DMD: variants seen among roughly 807,000 people sequenced by gnomAD.
DMD encodes the protein mutant dystrophin.
DMD carries 63 observed loss-of-function variants against 330.1 expected under a neutral mutation model. The ratio of observed to expected loss-of-function variants is 0.19; its 90% CI spans 0.16 to 0.24. The LOEUF is 0.24. Among genes scored for constraint, DMD ranks in the 10% least tolerant of loss-of-function variants. DMD has a pLI of 1.00. For missense variants in DMD, 3,344 were observed against 2,684.1 expected, an observed-to-expected ratio of 1.25 and a Z score of -5.43; for synonymous variants, 1,223 against 959.8, an observed-to-expected ratio of 1.27 and a Z score of -5.07.
intron 43 of DMD, among the ~76,000 whole-genome samples, chrX:32,280,403 G>GT (rs2038978584): frequency 9.1e-6 from 1 of 109,545 alleles, no homozygotes; most frequent in Non-Finnish European, 1.9e-5. Context: ...GGACTTGCTT[G>GT]TTTTTTACCC....
chrX:32,653,095 C>T (rs186311707), intron 9 of DMD, among the ~76,000 whole-genome samples: 1,796 of 111,214 alleles, frequency 0.016, 40 homozygotes, highest in African/African-American at 0.055. Flanking sequence ...AAATTTTCTC[C>T]CATTCTGTAG....
At chrX:31,531,605 A>C (rs1321368016) in intron 55 of DMD, among the ~76,000 whole-genome samples, 1 of 98,714 alleles carries the variant, frequency 1.0e-5, no homozygotes. Context: ...GGTTGCGGAA[A>C]TTTTCTCCCA....
At chrX:32,818,619 C>T (rs939397873) in intron 5 of DMD, among the ~76,000 whole-genome samples, 1 of 111,689 alleles carries the variant, frequency 9.0e-6, no homozygotes, top group African/African-American at 3.3e-5. Context: ...TGTCTTTGAG[C>T]AGTGATTTTT....
At chrX:31,829,990 G>C (rs1049865301) in intron 49 of DMD, among the ~76,000 whole-genome samples, 2 of 112,259 alleles carry the variant, frequency 1.8e-5, no homozygotes, top group African/African-American at 6.5e-5. Context: ...TCTCAGAAAA[G>C]AAAGTTGGCT....
chrX:32,383,823 G>A (rs941056841), intron 33 of DMD, among the ~76,000 whole-genome samples: 5 of 109,603 alleles, frequency 4.6e-5, no homozygotes, highest in East Asian at 2.9e-4. Context: ...ACTATTATTC[G>A]TCTAATGTCA....
intron 7 of DMD, among the ~76,000 whole-genome samples, chrX:32,802,973 T>C (rs1447062124): frequency 7.1e-5 from 8 of 111,905 alleles, no homozygotes; most frequent in Non-Finnish European, 1.5e-4. Context: ...AGGATGATGT[T>C]GGCCTCATAA....
chrX:32,981,929 A>G (rs1002928250), intron 2 of DMD, among the ~76,000 whole-genome samples: 3 of 111,777 alleles, frequency 2.7e-5, no homozygotes, highest in African/African-American at 9.7e-5. Context: ...AACAAATCCT[A>G]ATGAACCCAG....
At chrX:31,317,747 G>C (rs1418904629) in intron 62 of DMD, among the ~76,000 whole-genome samples, 2 of 111,049 alleles carry the variant, frequency 1.8e-5, no homozygotes, top group African/African-American at 6.6e-5. Context: ...TCCTGACCTC[G>C]TGATCTGCCT....
intron 2 of DMD, among the ~76,000 whole-genome samples, chrX:32,911,264 G>A (rs1055910091): frequency 1.2e-4 from 13 of 111,852 alleles, no homozygotes; most frequent in Non-Finnish European, 2.3e-4. Context: ...TATGAATGAT[G>A]GTGAAACTGG....
At chrX:33,173,705 A>G (rs993571011) in intron 1 of DMD, among the ~76,000 whole-genome samples, 7 of 111,327 alleles carry the variant, frequency 6.3e-5, no homozygotes, top group Admixed American at 3.9e-4. Flanking sequence ...CAATCCAAGC[A>G]AGATGGATAA....
chrX:32,760,693 A>C (rs776250588), intron 7 of DMD, among the ~76,000 whole-genome samples: 2 of 112,031 alleles, frequency 1.8e-5, no homozygotes, highest in Non-Finnish European at 3.8e-5. Flanking sequence ...GTTTACTTGC[A>C]AGGAATGGGA....
rs45549534 is a variant in DMD at position 31,121,430 on chromosome X, G to A, written c.*489C>T. On this transcript the variant is annotated 3_prime_UTR_variant, in exon 79 of 79. Transcript: ENST00000357033. ...ACAATGCGCTGCCTCAAAGTTTTGT[G>A]TGTGTGTGTGTATGTGTGTGTGTGT... 133 of 103,924 alleles carry A rather than the reference G, an allele frequency of 1.3e-3. 1 individual carries two copies. Among genetic ancestry groups the A allele is most frequent in the Non-Finnish European group, 2.2e-3 (122 of 54,603 alleles). 8.6% of individuals were successfully genotyped at this position (103,924 alleles called of 1,213,427 possible).
intron 26 of DMD, among the ~76,000 whole-genome samples, chrX:32,451,434 G>A (rs1289233072): frequency 9.0e-6 from 1 of 110,510 alleles, no homozygotes; most frequent in Admixed American, 9.6e-5. Flanking sequence ...TAACTTTCCA[G>A]AGTGTTTTTC....
chrX:31,846,990 G>A (rs1269406496), intron 48 of DMD, among the ~76,000 whole-genome samples: 6 of 111,799 alleles, frequency 5.4e-5, no homozygotes, highest in Non-Finnish European at 1.1e-4. Context: ...GTGGGTGCTT[G>A]CTACATGATG....
intron 57 of DMD, among the ~76,000 whole-genome samples, chrX:31,493,193 T>C (rs1018369577): frequency 5.4e-5 from 6 of 112,092 alleles, no homozygotes; most frequent in African/African-American, 9.7e-5. Context: ...GTCTACTGTA[T>C]ACTAGGCACT....
intron 55 of DMD, among the ~76,000 whole-genome samples, chrX:31,534,601 A>G (rs200467586): frequency 1.4e-3 from 26 of 19,028 alleles, no homozygotes; most frequent in Admixed American, 2.6e-3. Flanking sequence ...CTCTCTCACC[A>G]CTCCTATTCA....
In DMD at chrX:32,568,910, A is replaced by C. The variant is rs150106208; in HGVS notation, c.1813-3029T>G. Among the ~76,000 whole-genome samples, 23 of 112,168 alleles carry C rather than the reference A, an allele frequency of 2.1e-4. No homozygotes were observed. The East Asian group carries it at 5.6e-3, about 27-fold the overall frequency. On this transcript the variant is annotated intron_variant, in intron 15 of 78. Coordinates refer to ENST00000357033, the MANE Select transcript of DMD (RefSeq NM_004006.3). ...AGGTCTTACATGTGCATATTAAATA[A>C]CTATGATTTGTTACTAATTATTGCA... is the stretch of plus-strand genomic sequence containing the variant.
intron 44 of DMD, among the ~76,000 whole-genome samples, chrX:32,104,741 T>G (rs1215854267): frequency 1.8e-5 from 2 of 111,909 alleles, no homozygotes; most frequent in Non-Finnish European, 3.8e-5. Context: ...CTTGCGCCTA[T>G]GTTAAGAATC....
At chrX:32,493,855 G>A (rs980890390) in intron 19 of DMD, among the ~76,000 whole-genome samples, 2 of 111,229 alleles carry the variant, frequency 1.8e-5, no homozygotes, top group Non-Finnish European at 3.8e-5. Context: ...CAAGCAGTTA[G>A]AAGTCCATGA....
Sources: allele counts gnomAD v4.1 joint callset (sites outside exome capture counted in the v4.1 genomes callset), GRCh38; gene constraint gnomAD v4.1.1; transcripts MANE v1.5; gene names NCBI Gene and HGNC (gene_info 2026-07-23, HGNC 2026-07-21).